MSH4: variants seen among roughly 807,000 people sequenced by gnomAD.
The protein encoded by MSH4 is mutS homolog 4.
A neutral mutation model predicts 113.7 loss-of-function variants in MSH4; 106 were observed. The observed-to-expected ratio is 0.93, with a 90% CI of 0.80 to 1.10. The LOEUF (loss-of-function observed/expected upper bound fraction) is 1.10. Ranked by LOEUF, MSH4 falls within the 50% of genes least tolerant of loss-of-function variation. The pLI is 0.00. For synonymous variants in MSH4, 368 were observed against 380.2 expected (o/e 0.97, Z 0.37); for missense variants, 1,061 against 1,093.7 (o/e 0.97, Z 0.42).
intron 6 of MSH4, among the ~76,000 whole-genome samples, chr1:75,820,079 T>G (rs552546579): frequency 7.0e-6 from 1 of 142,624 alleles, no homozygotes; most frequent in Non-Finnish European, 1.6e-5. Context: ...TGTCTTGTAC[T>G]TGTCATCAGA....
At chr1:75,880,984 A>C (rs988510096) in intron 13 of MSH4, among the ~76,000 whole-genome samples, 1 of 152,002 alleles carries the variant, frequency 6.6e-6, no homozygotes, top group Non-Finnish European at 1.5e-5. Context: ...TTAATATCAT[A>C]TAAAAGCAGT....
chr1:75,866,816 A>G (rs1490043504), intron 8 of MSH4, among the ~76,000 whole-genome samples: 1 of 151,634 alleles, frequency 6.6e-6, no homozygotes, highest in African/African-American at 2.4e-5. Context: ...CCCCATCTCT[A>G]TTAAAAAAAA....
rs114743861 is a variant in MSH4, at chr1:75,888,517, C to T, written c.2108-734C>T. On this transcript the variant is annotated intron_variant, in intron 15 of 19. Transcript: ENST00000263187. The stretch of plus-strand genomic sequence containing the variant: ...TTTATTTTGCTTCTGAATGTTTCTC[C>T]ATGTTTGTAATCACAGATATTTCTT... Among the ~76,000 whole-genome samples, 927 of 151,638 alleles carry T rather than the reference C, an allele frequency of 6.1e-3. 5 individuals are homozygous for T. Among genetic ancestry groups the T allele is most frequent in the African/African-American group, 0.021 (881 of 41,396 alleles).
chr1:75,855,214 T>C (rs958208112), intron 8 of MSH4, among the ~76,000 whole-genome samples: 6 of 152,036 alleles, frequency 3.9e-5, no homozygotes, highest in African/African-American at 1.5e-4. Flanking sequence ...ATTTTTAAGT[T>C]TTTTGTAGAG....
intron 7 of MSH4, among the ~76,000 whole-genome samples, chr1:75,845,455 C>T (rs909787296): frequency 1.3e-5 from 2 of 152,088 alleles, no homozygotes; most frequent in Non-Finnish European, 2.9e-5. Flanking sequence ...GAGAAATAGG[C>T]AATAAGAAAG....
At position 75,796,915 on chromosome 1, in the gene MSH4, T is replaced by G; in HGVS notation, c.-71T>G. On this transcript the variant is annotated 5_prime_UTR_variant, in exon 1 of 20. Coordinates refer to ENST00000263187, the MANE Select transcript of MSH4 (RefSeq NM_002440.4). ...CTCCCGCCCGTTTCAGCGGCGCAGC[T>G]TCTGTAGTTGGGCTACTGGAGGGGT... is the stretch of plus-strand genomic sequence containing the variant. 4 of 1,594,284 alleles carry G rather than the reference T, an allele frequency of 2.5e-6. No homozygotes were observed. Among genetic ancestry groups the G allele is most frequent in the Non-Finnish European group, 2.6e-6 (3 of 1,168,628 alleles).
At chr1:75,826,067 G>A (rs1650542583) in intron 7 of MSH4, among the ~76,000 whole-genome samples, 1 of 151,786 alleles carries the variant, frequency 6.6e-6, no homozygotes, top group South Asian at 2.1e-4. Flanking sequence ...ACCTCTGGTA[G>A]AATTCGGCTG....
chr1:75,872,032 G>A (rs536412377), intron 9 of MSH4, among the ~76,000 whole-genome samples: 26 of 152,250 alleles, frequency 1.7e-4, no homozygotes, highest in Middle Eastern at 6.8e-3. Flanking sequence ...TGTCACAAGT[G>A]GAAAATTTTA....
chr1:75,811,969 A>G (rs931045762), intron 4 of MSH4, among the ~76,000 whole-genome samples: 7 of 152,166 alleles, frequency 4.6e-5, no homozygotes, highest in African/African-American at 1.7e-4. Flanking sequence ...TATTGTCTCT[A>G]TTAGACGAAT....
intron 6 of MSH4, among the ~76,000 whole-genome samples, chr1:75,817,856 G>A (rs1258233995): frequency 6.6e-6 from 1 of 151,546 alleles, no homozygotes; most frequent in African/African-American, 2.4e-5. Context: ...GTTGATATGA[G>A]TAGTTCCCTA....
At chr1:75,822,326 T>A in intron 6 of MSH4, 83 bp from the exon 7 acceptor site, 2 of 844,378 alleles carry the variant, frequency 2.4e-6, no homozygotes, top group Non-Finnish European at 3.7e-6. Flanking sequence ...CTGTAGATTA[T>A]AGGATTATTT....
intron 8 of MSH4, among the ~76,000 whole-genome samples, chr1:75,863,050 T>G (rs191632840): frequency 1.1e-4 from 16 of 152,312 alleles, no homozygotes; most frequent in Admixed American, 1.0e-3. Context: ...TTGAAAAATT[T>G]ATATTAAAGA....
chr1:75,872,492 G>A (rs1373474519), intron 9 of MSH4, among the ~76,000 whole-genome samples: 1 of 152,228 alleles, frequency 6.6e-6, no homozygotes, highest in Non-Finnish European at 1.5e-5. Context: ...AGCCTGTGCT[G>A]TTAGAATGAC....
At chr1:75,840,971 T>A (rs925080621) in intron 7 of MSH4, among the ~76,000 whole-genome samples, 3 of 152,180 alleles carry the variant, frequency 2.0e-5, no homozygotes, top group Non-Finnish European at 4.4e-5. Flanking sequence ...TTCAGCTTTG[T>A]CTTAAAAGAA....
In MSH4 at chr1:75,864,016, A is replaced by G. The variant is rs374040085; in HGVS notation, c.1231-3498A>G. ...TTCTCCTTCCCATCCATTATTTTCTACCTGTCTCCAAAAAGAAACGACTTT... is the reference window on the plus strand; with the variant it reads ...TTCTCCTTCCCATCCATTATTTTCTGCCTGTCTCCAAAAAGAAACGACTTT... On this transcript the variant is annotated intron_variant, in intron 8 of 19. Transcript: ENST00000263187. 3.9e-4 allele frequency among the ~76,000 whole-genome samples: 60 copies of G among 152,180 alleles called. 1 individual carries two copies. Among genetic ancestry groups the G allele is most frequent in the African/African-American group, 1.4e-3 (59 of 41,560 alleles).
In MSH4 at chr1:75,912,672, ATATTTT is replaced by A. The variant is rs1360715075; in HGVS notation, c.2620-22_2620-17del. On this transcript the variant is annotated intron_variant, in intron 19 of 19. Coordinates refer to ENST00000263187, the MANE Select transcript of MSH4 (RefSeq NM_002440.4). The stretch of plus-strand genomic sequence containing the variant: ...TTATGGTATTTGTGTATATATATAT[ATATTTT>A]TTTTTTTTCAATGACAGCAAAACCA... 1.9e-5 allele frequency: 23 copies of A among 1,242,026 alleles called. No homozygotes were observed. The highest frequency in any genetic ancestry group is 3.6e-5 in the South Asian group (2 of 55,256). The allele number at this position is 1,242,026 out of a possible 1,614,324, so 76.9% of individuals were successfully genotyped here.
intron 9 of MSH4, among the ~76,000 whole-genome samples, chr1:75,867,998 G>C (rs772423577): frequency 6.6e-6 from 1 of 151,870 alleles, no homozygotes; most frequent in Non-Finnish European, 1.5e-5. Context: ...GTCCAATCCA[G>C]GATCATATCT....
intron 1 of MSH4, among the ~76,000 whole-genome samples, chr1:75,800,789 G>C (rs930822705): frequency 6.6e-6 from 1 of 152,182 alleles, no homozygotes; most frequent in South Asian, 2.1e-4. Context: ...ATACCTAAAG[G>C]TTTATGCCCA....
At chr1:75,844,493 ATTGT>A (rs942931163) in intron 7 of MSH4, among the ~76,000 whole-genome samples, 26 of 152,040 alleles carry the variant, frequency 1.7e-4, no homozygotes, top group African/African-American at 6.0e-4. Flanking sequence ...CACATGGCTG[ATTGT>A]TGTATTTTTT....
Sources: gnomAD v4.1 joint callset for allele counts (sites outside exome capture counted in the v4.1 genomes callset) on GRCh38, gnomAD v4.1.1 for gene constraint, MANE v1.5 for transcripts, NCBI Gene and HGNC (gene_info 2026-07-23, HGNC 2026-07-21) for gene names.